Variants in CAMKMT observed in about 807,000 individuals in gnomAD.
CAMKMT encodes calmodulin-lysine N-methyltransferase.
In CAMKMT, 53 loss-of-function variants were observed where a neutral mutation model predicts 48.0. That is an observed-to-expected ratio of 1.10 (90% CI 0.89 to 1.39). CAMKMT has a LOEUF of 1.39. Among genes scored for constraint, CAMKMT ranks in the 40% most tolerant of loss-of-function variants. CAMKMT has a pLI of 0.00. For missense variants in CAMKMT, 428 were observed against 402.7 expected (o/e 1.06, Z -0.54); for synonymous variants, 165 against 152.3 (o/e 1.08, Z -0.61).
intron 7 of CAMKMT, among the ~76,000 whole-genome samples, chr2:44,739,669 G>A (rs1679562561): frequency 6.6e-6 from 1 of 152,142 alleles, no homozygotes; most frequent in Admixed American, 6.6e-5. Context: ...GATCTTTGGT[G>A]AGTTTGACAG....
intron 3 of CAMKMT, among the ~76,000 whole-genome samples, chr2:44,701,861 A>G (rs1677275623): frequency 1.3e-5 from 2 of 152,198 alleles, no homozygotes; most frequent in African/African-American, 4.8e-5. Flanking sequence ...GAATATCTTC[A>G]TGAAAAGATC....
intron 3 of CAMKMT, among the ~76,000 whole-genome samples, chr2:44,484,280 G>C (rs1451079035): frequency 6.6e-6 from 1 of 151,920 alleles, no homozygotes; most frequent in African/African-American, 2.4e-5. Context: ...AAATCATCTG[G>C]AAGAAAAGGA....
intron 3 of CAMKMT, among the ~76,000 whole-genome samples, chr2:44,450,537 T>G (rs1667236756): frequency 6.6e-6 from 1 of 152,148 alleles, no homozygotes; most frequent in African/African-American, 2.4e-5. Flanking sequence ...TTATGGTGAT[T>G]AAGAGAATCT....
At chr2:44,631,659 A>T (rs1428156108) in intron 3 of CAMKMT, 1 of 417,150 alleles carries the variant, frequency 2.4e-6, no homozygotes, top group African/African-American at 2.1e-5. Context: ...AGCCCATCTG[A>T]CAAGTTTTTC....
chr2:44,423,121 C>T (rs1031507312), intron 3 of CAMKMT, among the ~76,000 whole-genome samples: 2 of 152,134 alleles, frequency 1.3e-5, no homozygotes, highest in East Asian at 3.8e-4. Context: ...GTAGAATTAT[C>T]CTAGGAGTGA....
intron 10 of CAMKMT, among the ~76,000 whole-genome samples, chr2:44,769,872 A>G (rs1681033419): frequency 1.3e-5 from 2 of 152,188 alleles, no homozygotes; most frequent in Admixed American, 1.3e-4. Context: ...GATACTGTAA[A>G]GGGTAAACAG....
chr2:44,678,325 C>T (rs760386565), intron 3 of CAMKMT, among the ~76,000 whole-genome samples: 8 of 152,200 alleles, frequency 5.3e-5, no homozygotes, highest in African/African-American at 4.8e-5. Context: ...TTGTGTTAGA[C>T]ATCCAGGTCT....
chr2:44,539,636 T>C (rs1025316283), intron 3 of CAMKMT, among the ~76,000 whole-genome samples: 1 of 152,286 alleles, frequency 6.6e-6, no homozygotes, highest in African/African-American at 2.4e-5. Context: ...TGTGTCTATT[T>C]ACTCTCTTTT....
At chr2:44,410,942 A>C (rs989559361) in intron 3 of CAMKMT, among the ~76,000 whole-genome samples, 1 of 152,322 alleles carries the variant, frequency 6.6e-6, no homozygotes. Flanking sequence ...AAAGTAATTG[A>C]TAGTTCTAAA....
intron 3 of CAMKMT, among the ~76,000 whole-genome samples, chr2:44,610,537 G>T (rs1671539640): frequency 6.6e-6 from 1 of 152,134 alleles, no homozygotes; most frequent in Non-Finnish European, 1.5e-5. Flanking sequence ...AGTTTCGATG[G>T]ACAAAAACTG....
chr2:44,634,708 A>G (rs930209515), intron 3 of CAMKMT, among the ~76,000 whole-genome samples: 1 of 149,478 alleles, frequency 6.7e-6, no homozygotes, highest in East Asian at 2.0e-4. Context: ...GGGAGCTCAA[A>G]TGAGGTCATA....
At chr2:44,622,285 A>G (rs1016787768) in intron 3 of CAMKMT, among the ~76,000 whole-genome samples, 5 of 152,202 alleles carry the variant, frequency 3.3e-5, no homozygotes, top group Non-Finnish European at 2.9e-5. Context: ...AACTCCATAG[A>G]GGTAAAATTT....
At chr2:44,548,903 T>A (rs578213199) in intron 3 of CAMKMT, among the ~76,000 whole-genome samples, 2 of 152,264 alleles carry the variant, frequency 1.3e-5, no homozygotes, top group East Asian at 1.9e-4. Context: ...AGCCTTGTGA[T>A]TCCCTGAGCA....
At position 44,581,397 on chromosome 2, in the gene CAMKMT, A is replaced by C. The variant is rs140084691; in HGVS notation, c.377-122886A>C. 3.0e-3 allele frequency among the ~76,000 whole-genome samples: 457 copies of C among 152,328 alleles called. 2 individuals carry two copies. Among genetic ancestry groups the C allele is most frequent in the African/African-American group, 0.01 (433 of 41,574 alleles). ...CAATGAGCAGTAGAGCTTGGAATTA[A>C]ATCTGTTTCTTCTGAATACAAGTCA... On this transcript the variant is annotated intron_variant, in intron 3 of 10. Transcript: ENST00000378494.
At chr2:44,458,258 G>C (rs918381886) in intron 3 of CAMKMT, among the ~76,000 whole-genome samples, 1 of 151,978 alleles carries the variant, frequency 6.6e-6, no homozygotes, top group Non-Finnish European at 1.5e-5. Flanking sequence ...TGTTGGCTAG[G>C]CTAGTCTCGA....
chr2:44,402,740 G>GTTTTTTTTTTTTTTTTTTTTTTTTT, intron 3 of CAMKMT, among the ~76,000 whole-genome samples: 4 of 94,102 alleles, frequency 4.3e-5, no homozygotes, highest in Admixed American at 2.2e-4. Flanking sequence ...TTGTTTTGCT[G>GTTTTTTTTTTTTTTTTTTTTTTTTT]TTTTTTTTTT....
intron 7 of CAMKMT, among the ~76,000 whole-genome samples, chr2:44,734,275 AT>A (rs1317778545): frequency 1.3e-5 from 2 of 152,076 alleles, no homozygotes; most frequent in South Asian, 2.1e-4. Context: ...ACGCAAAATA[AT>A]TGTCAGTTTA....
intron 3 of CAMKMT, among the ~76,000 whole-genome samples, chr2:44,488,843 T>TTGTGTGTGTGTGTG (rs142299931): frequency 0.013 from 1,801 of 141,968 alleles, 15 homozygotes; most frequent in Admixed American, 0.014. Context: ...CTTAGGGTAT[T>TTGTGTGTGTGTGTG]TGTGTGTGTG....
At chr2:44,532,041 C>T (rs1435498664) in intron 3 of CAMKMT, among the ~76,000 whole-genome samples, 3 of 152,136 alleles carry the variant, frequency 2.0e-5, no homozygotes, top group Non-Finnish European at 4.4e-5. Flanking sequence ...GTAGTGCTCT[C>T]CTATAGACCT....
Sources: gnomAD v4.1 joint callset for allele counts (sites outside exome capture counted in the v4.1 genomes callset) on GRCh38, gnomAD v4.1.1 for gene constraint, MANE v1.5 for transcripts, NCBI Gene and HGNC (gene_info 2026-07-23, HGNC 2026-07-21) for gene names.